GRM7: variants seen among roughly 807,000 people sequenced by gnomAD.
GRM7 encodes metabotropic glutamate receptor 7.
Under a neutral mutation model 84.5 loss-of-function variants are expected in GRM7, and 35 were observed. The ratio of observed to expected loss-of-function variants is 0.41; its 90% confidence interval spans 0.32 to 0.55. The LOEUF (loss-of-function observed/expected upper bound fraction) is 0.55, where lower values mean the gene tolerates loss of function less well. Ranked by LOEUF, GRM7 falls within the 20% of genes least tolerant of loss-of-function variation. The pLI is 0.19. For synonymous variants in GRM7, 487 were observed against 455.1 expected (o/e 1.07, Z -0.89); for missense variants, 1,003 against 1,194.6 (o/e 0.84, Z 2.36).
At chr3:7,070,800 C>T (rs1241331747) in intron 1 of GRM7, among the ~76,000 whole-genome samples, 2 of 151,950 alleles carry the variant, frequency 1.3e-5, no homozygotes, top group Non-Finnish European at 2.9e-5. Flanking sequence ...GAACTGTAGA[C>T]AGAACTAATG....
At chr3:6,927,871 A>G (rs989773370) in intron 1 of GRM7, among the ~76,000 whole-genome samples, 4 of 152,168 alleles carry the variant, frequency 2.6e-5, no homozygotes, top group African/African-American at 9.6e-5. Context: ...TCGGCACTTA[A>G]GTTGTTCCCA....
intron 1 of GRM7, among the ~76,000 whole-genome samples, chr3:6,934,119 G>A (rs1215381063): frequency 6.6e-6 from 1 of 152,048 alleles, no homozygotes; most frequent in Non-Finnish European, 1.5e-5. Flanking sequence ...AATAAAACCA[G>A]GGTAGAATTG....
intron 1 of GRM7, chr3:6,956,690 C>T (rs1693069247): frequency 2.2e-6 from 1 of 454,140 alleles, no homozygotes; most frequent in Non-Finnish European, 4.4e-6. Context: ...TCTCGCAACT[C>T]CAAACGCCTG....
chr3:7,427,245 A>G (rs1696646946), intron 5 of GRM7, among the ~76,000 whole-genome samples: 1 of 152,214 alleles, frequency 6.6e-6, no homozygotes, highest in South Asian at 2.1e-4. Context: ...TTTAAAATGA[A>G]TTGACAGGAA....
At chr3:7,398,948 A>G (rs1346593780) in intron 4 of GRM7, among the ~76,000 whole-genome samples, 1 of 151,820 alleles carries the variant, frequency 6.6e-6, no homozygotes, top group Non-Finnish European at 1.5e-5. Context: ...TTTGTCTTTG[A>G]CACCTTCAAA....
chr3:7,343,827 T>C (rs1692763240), intron 4 of GRM7, among the ~76,000 whole-genome samples: 1 of 152,192 alleles, frequency 6.6e-6, no homozygotes, highest in Non-Finnish European at 1.5e-5. Flanking sequence ...TTTATTGTTC[T>C]TTCATGTGTC....
At chr3:7,382,779 C>A (rs1694640677) in intron 4 of GRM7, among the ~76,000 whole-genome samples, 1 of 152,148 alleles carries the variant, frequency 6.6e-6, no homozygotes, top group Admixed American at 6.5e-5. Context: ...GCAAACTGCC[C>A]TCTTAGTTAT....
At chr3:7,288,463 A>T (rs1559554982) in intron 2 of GRM7, among the ~76,000 whole-genome samples, 1 of 152,116 alleles carries the variant, frequency 6.6e-6, no homozygotes, top group Non-Finnish European at 1.5e-5. Context: ...GATGAGGGTC[A>T]TGTTTCTCAA....
At chr3:7,074,619 T>C (rs2124988318) in intron 1 of GRM7, among the ~76,000 whole-genome samples, 1 of 152,348 alleles carries the variant, frequency 6.6e-6, no homozygotes, top group East Asian at 1.9e-4. Context: ...ATTTTTTATG[T>C]TTTACATTTA....
At chr3:7,719,609 G>A (rs966878821) in intron 9 of GRM7, among the ~76,000 whole-genome samples, 15 of 152,008 alleles carry the variant, frequency 9.9e-5, no homozygotes, top group Admixed American at 3.3e-4. Context: ...TCAGGAGATC[G>A]AGACCATCCT....
At chr3:7,394,154 A>G (rs1339673888) in intron 4 of GRM7, among the ~76,000 whole-genome samples, 1 of 152,182 alleles carries the variant, frequency 6.6e-6, no homozygotes, top group East Asian at 1.9e-4. Context: ...GTGAACCCAG[A>G]TATGTCTGAT....
intron 1 of GRM7, among the ~76,000 whole-genome samples, chr3:6,904,543 A>G (rs1696500230): frequency 6.6e-6 from 1 of 152,198 alleles, no homozygotes; most frequent in Non-Finnish European, 1.5e-5. Context: ...GTCTCTTTAT[A>G]TAATGAACCT....
At chr3:7,275,042 G>C (rs112116971) in intron 2 of GRM7, among the ~76,000 whole-genome samples, 1 of 151,824 alleles carries the variant, frequency 6.6e-6, no homozygotes, top group African/African-American at 2.4e-5. Context: ...ATATGCTTAC[G>C]CTCAAATATT....
chr3:7,017,565 T>C (rs777223370), intron 1 of GRM7, among the ~76,000 whole-genome samples: 1 of 152,186 alleles, frequency 6.6e-6, no homozygotes, highest in East Asian at 1.9e-4. Context: ...TCATTTTTCA[T>C]TGATAGATAT....
At chr3:7,562,471 A>G in intron 7 of GRM7, among the ~76,000 whole-genome samples, 1 of 152,102 alleles carries the variant, frequency 6.6e-6, no homozygotes, top group East Asian at 1.9e-4. Flanking sequence ...ACAGAAGTTA[A>G]GTGAGTCGAT....
At chr3:7,691,150 T>C (rs896034457) in intron 9 of GRM7, 5 of 506,578 alleles carry the variant, frequency 9.9e-6, no homozygotes, top group Admixed American at 2.5e-5. Flanking sequence ...TATTCTCATG[T>C]TTTTTTTCAA....
intron 1 of GRM7, among the ~76,000 whole-genome samples, chr3:7,066,943 G>T (rs1211363231): frequency 6.6e-6 from 1 of 151,916 alleles, no homozygotes; most frequent in African/African-American, 2.4e-5. Flanking sequence ...CTCAATAGAT[G>T]CAGAAAAAGC....
chr3:7,111,923 C>T (rs1283196554), intron 1 of GRM7, among the ~76,000 whole-genome samples: 6 of 152,104 alleles, frequency 3.9e-5, no homozygotes, highest in East Asian at 1.9e-4. Flanking sequence ...CAGAGAGTCC[C>T]GTTTCAGGGC....
At chr3:7,079,966 G>A (rs1308379051) in intron 1 of GRM7, among the ~76,000 whole-genome samples, 1 of 152,058 alleles carries the variant, frequency 6.6e-6, no homozygotes. Flanking sequence ...TTAATGAATG[G>A]CATTGATGTG....
Sources: gnomAD v4.1 joint callset for allele counts (sites outside exome capture counted in the v4.1 genomes callset) on GRCh38, gnomAD v4.1.1 for gene constraint, MANE v1.5 for transcripts, NCBI Gene and HGNC (gene_info 2026-07-23, HGNC 2026-07-21) for gene names.